The following TAFA2 variants were observed in gnomAD, a reference collection of about 807,000 sequenced individuals.
TAFA2 encodes TAFA chemokine like family member 2.
In TAFA2, 7 loss-of-function variants were observed where a neutral mutation model predicts 18.8. That is an observed-to-expected ratio of 0.37 (90% CI 0.21 to 0.70). TAFA2 has a LOEUF of 0.70. Among genes scored for constraint, TAFA2 ranks in the 30% least tolerant of loss-of-function variants. TAFA2 has a pLI of 0.53. For synonymous variants in TAFA2, 60 were observed against 54.2 expected (o/e 1.11, Z -0.47); for missense variants, 122 against 158.1 (o/e 0.77, Z 1.23).
At chr12:61,971,147 C>T (rs1187411672) in intron 1 of TAFA2, among the ~76,000 whole-genome samples, 1 of 151,478 alleles carries the variant, frequency 6.6e-6, no homozygotes, top group Non-Finnish European at 1.5e-5. Flanking sequence ...ATAGAATGCT[C>T]ATTTGAAAAT....
chr12:61,867,331 T>C lies in TAFA2; in HGVS notation c.95A>G (p.Asn32Ser). ...ACAGAAAAGCTTACCTTTATGATGGTTTGCACTGGATACAACTTTCCCCCA... is the reference window on the plus strand; with the variant it reads ...ACAGAAAAGCTTACCTTTATGATGGCTTGCACTGGATACAACTTTCCCCCA... ...TLWGKVVSSA[N>S]HHKAHHVKTG... Residue 32 changes from asparagine to serine, a missense_variant, in exon 2 of 5, where the codon AAC becomes AGC. Physicochemically the swap from Asn to Ser is conservative, Grantham distance 46 (BLOSUM62 1). Coordinates refer to ENST00000416284, the MANE Select transcript of TAFA2 (RefSeq NM_178539.5). 4.4e-6 allele frequency: 7 copies of C among 1,589,744 alleles called. No homozygotes were observed. Among genetic ancestry groups the C allele is most frequent in the South Asian group, 1.1e-5 (1 of 87,906 alleles).
At chr12:62,196,577 G>A (rs1328463209), upstream of TAFA2, among the ~76,000 whole-genome samples, 1 of 152,128 alleles carries the variant, frequency 6.6e-6, no homozygotes, top group Non-Finnish European at 1.5e-5. Flanking sequence ...GGGAGTTGGG[G>A]GAACAGCCAG....
intron 1 of TAFA2, among the ~76,000 whole-genome samples, chr12:61,912,224 C>A (rs1293039875): frequency 1.3e-5 from 2 of 152,186 alleles, no homozygotes; most frequent in African/African-American, 2.4e-5. Flanking sequence ...GCTCATTTAT[C>A]TATAACATGC....
At chr12:61,908,942 C>A (rs914274104) in intron 1 of TAFA2, among the ~76,000 whole-genome samples, 3 of 152,094 alleles carry the variant, frequency 2.0e-5, no homozygotes, top group African/African-American at 2.4e-5. Context: ...TATTCTCCTG[C>A]CTAAAGTGTA....
chr12:62,154,708 C>T (rs543739513), intron 1 of TAFA2, among the ~76,000 whole-genome samples: 11 of 152,132 alleles, frequency 7.2e-5, no homozygotes, highest in South Asian at 2.1e-4. Context: ...AAAACATTTA[C>T]GATAATTTTT....
intron 1 of TAFA2, among the ~76,000 whole-genome samples, chr12:62,071,536 G>C (rs918226985): frequency 2.6e-5 from 4 of 152,088 alleles, no homozygotes; most frequent in African/African-American, 9.7e-5. Context: ...GAGGCCAGGA[G>C]CTGGACACTA....
rs201347652 is a variant in TAFA2 at position 61,950,348 on chromosome 12, TC to T, written c.-1-82923del. On this transcript the variant is annotated intron_variant, in intron 1 of 4. Transcript: ENST00000416284. ...TTTTGGAGGAACCTCCATACTATTT[TC>T]CGTAGCTGCTGCACCATTTTATAGC... 3.3e-3 allele frequency among the ~76,000 whole-genome samples: 504 copies of T among 152,288 alleles called. 9 individuals carry two copies. Among genetic ancestry groups the T allele is most frequent in the East Asian group, 0.026 (134 of 5,166 alleles).
intron 1 of TAFA2, among the ~76,000 whole-genome samples, chr12:62,124,150 G>C (rs1271577794): frequency 6.6e-6 from 1 of 151,932 alleles, no homozygotes; most frequent in Non-Finnish European, 1.5e-5. Context: ...TCAGAGAATC[G>C]CAAAGATTGC....
intron 4 of TAFA2, among the ~76,000 whole-genome samples, chr12:61,713,572 C>G (rs1222940306): frequency 6.6e-6 from 1 of 152,098 alleles, no homozygotes; most frequent in Non-Finnish European, 1.5e-5. Context: ...CTGACAACCT[C>G]AGGGTTTGCA....
chr12:62,017,922 A>G (rs1880993718), intron 1 of TAFA2, among the ~76,000 whole-genome samples: 2 of 152,172 alleles, frequency 1.3e-5, no homozygotes, highest in African/African-American at 4.8e-5. Flanking sequence ...GAAACAAATG[A>G]TCAATAATGG....
Position 62,134,760 on chromosome 12 carries a change from C to T in TAFA2, c.-2+56499G>A, listed in dbSNP as rs773175991. On this transcript the variant is annotated intron_variant, in intron 1 of 4. Coordinates refer to ENST00000416284, the MANE Select transcript of TAFA2 (RefSeq NM_178539.5). ...GCATATAATTGTCAATACCTAATAT[C>T]GAATGAATGGTTCCTACTACTTCTC... is the stretch of plus-strand genomic sequence containing the variant. 2.0e-5 allele frequency among the ~76,000 whole-genome samples: 3 copies of T among 152,068 alleles called. No individual in the cohort carries two copies. The South Asian group carries it at 6.2e-4, about 32-fold the overall frequency.
intron 1 of TAFA2, among the ~76,000 whole-genome samples, chr12:62,209,574 C>G (rs1287464256): frequency 6.6e-6 from 1 of 152,190 alleles, no homozygotes; most frequent in Non-Finnish European, 1.5e-5. Context: ...CAGTACCATT[C>G]TTAAGAGGAG....
At chr12:62,003,057 C>T (rs1880431736) in intron 1 of TAFA2, among the ~76,000 whole-genome samples, 1 of 152,044 alleles carries the variant, frequency 6.6e-6, no homozygotes, top group South Asian at 2.1e-4. Context: ...TACTCCTTTC[C>T]CCTCTCACCA....
chr12:62,233,270 G>A (rs1366406840), intron 1 of TAFA2, among the ~76,000 whole-genome samples: 1 of 150,030 alleles, frequency 6.7e-6, no homozygotes, highest in Non-Finnish European at 1.5e-5. Context: ...TTGTAGAGAT[G>A]GGGTTTCACC....
chr12:61,925,534 C>T (rs1877251821), intron 1 of TAFA2, among the ~76,000 whole-genome samples: 1 of 152,100 alleles, frequency 6.6e-6, no homozygotes, highest in Non-Finnish European at 1.5e-5. Context: ...TTCTTTGAAA[C>T]CATTGAGAAC....
At chr12:62,157,076 T>C (rs945202408) in intron 1 of TAFA2, among the ~76,000 whole-genome samples, 5 of 152,294 alleles carry the variant, frequency 3.3e-5, no homozygotes, top group Admixed American at 1.3e-4. Flanking sequence ...ACTGTAATTA[T>C]GCAGTTTGTG....
chr12:61,918,005 G>C (rs935774239), intron 1 of TAFA2, among the ~76,000 whole-genome samples: 5 of 151,888 alleles, frequency 3.3e-5, no homozygotes, highest in Non-Finnish European at 7.4e-5. Context: ...TAAGAACCAT[G>C]CTTATTTATT....
intron 3 of TAFA2, among the ~76,000 whole-genome samples, chr12:61,754,425 A>T (rs991248440): frequency 2.6e-5 from 4 of 152,124 alleles, no homozygotes; most frequent in African/African-American, 9.6e-5. Flanking sequence ...ATAAAAGTTG[A>T]TATTTTATGT....
chr12:62,235,532 C>A, intron 1 of TAFA2: 1 of 456,850 alleles, frequency 2.2e-6, no homozygotes, highest in Non-Finnish European at 4.1e-6. Context: ...TAGGTGGTGT[C>A]TAGACTCTCT....
Sources: allele counts gnomAD v4.1 joint callset (sites outside exome capture counted in the v4.1 genomes callset), GRCh38; gene constraint gnomAD v4.1.1; transcripts MANE v1.5; gene names NCBI Gene and HGNC (gene_info 2026-07-23, HGNC 2026-07-21).